The following HTRA1 variants were observed in gnomAD, a reference collection of about 807,000 sequenced individuals.
HTRA1 encodes serine protease HTRA1.
Under a neutral mutation model 49.7 loss-of-function variants are expected in HTRA1, and 26 were observed. The ratio of observed to expected loss-of-function variants is 0.52; its 90% confidence interval spans 0.38 to 0.73. The LOEUF is 0.73. HTRA1 is among the 30% of genes least tolerant of loss of function. The pLI is 0.00. For synonymous variants in HTRA1, 291 were observed against 286.9 expected (o/e 1.01, Z -0.14); for missense variants, 561 against 667.2 (o/e 0.84, Z 1.75).
Position 122,487,231 on chromosome 10 carries a change from T to C in HTRA1, c.473-1671T>C, listed in dbSNP as rs2133437211. Among the ~76,000 whole-genome samples, 1 of 152,250 alleles carries C rather than the reference T, an allele frequency of 6.6e-6. No homozygotes were observed. Among genetic ancestry groups the C allele is most frequent in the South Asian group, 2.1e-4 (1 of 4,822 alleles). On this transcript the variant is annotated intron_variant, in intron 1 of 8. Coordinates refer to ENST00000368984, the MANE Select transcript of HTRA1 (RefSeq NM_002775.5). The surrounding 1 kb of genome is among the most constrained non-coding windows in gnomAD (Gnocchi z 4.8). Reference sequence around the variant, plus strand: ...GCCTGCTTGTGCAACGCTGAGCTAGTCCAAGGGGGAAGAATGGGGTGCATG... The same window carrying C: ...GCCTGCTTGTGCAACGCTGAGCTAGCCCAAGGGGGAAGAATGGGGTGCATG...
chr10:122,489,133 T>A, intron 2 of HTRA1, 132 bp downstream of exon 2: 1 of 759,126 alleles, frequency 1.3e-6, no homozygotes, highest in Admixed American at 2.0e-5. Context: ...GATAAGTGTG[T>A]CTCCCTTAGA....
At chr10:122,507,267 C>A (rs2097503458) in intron 4 of HTRA1, 103 bp from the exon 5 acceptor site, 1 of 895,742 alleles carries the variant, frequency 1.1e-6, no homozygotes. Context: ...AAGAATCGTG[C>A]CCCCCACTCT....
At chr10:122,493,362 C>T (rs2097496843) in intron 3 of HTRA1, among the ~76,000 whole-genome samples, 1 of 152,212 alleles carries the variant, frequency 6.6e-6, no homozygotes. Flanking sequence ...TGCGTGTAAA[C>T]ATGTTAATAG....
chr10:122,477,234 T>C (rs2097488988), intron 1 of HTRA1, among the ~76,000 whole-genome samples: 1 of 152,166 alleles, frequency 6.6e-6, no homozygotes, highest in Admixed American at 6.5e-5. Context: ...CCCAAAGCGC[T>C]GGGATTACAG....
rs956159741 is a variant in HTRA1, at chr10:122,461,783, C to A, written c.131C>A (p.Ala44Glu). 2.9e-6 allele frequency: 3 copies of A among 1,048,396 alleles called. No homozygotes were observed. Among genetic ancestry groups the A allele is most frequent in the Admixed American group, 5.4e-5 (1 of 18,538 alleles). The allele number at this position is 1,048,396 out of a possible 1,614,324, so 64.9% of individuals were successfully genotyped here. A position where few individuals can be genotyped will look rare whatever the true frequency, so the allele number is the denominator to read the frequency against. Residue 44 changes from alanine to glutamate, a missense_variant, in exon 1 of 9, where the codon GCG (alanine) becomes GAG (glutamate). Physicochemically the swap from Ala to Glu is moderately radical, Grantham distance 107. Transcript: ENST00000368984. Reference protein sequence around the residue: ...AAGCPDRCEPARCPPQPEHCE... With the variant: ...AAGCPDRCEPERCPPQPEHCE... The stretch of plus-strand genomic sequence containing the variant: ...GGGTGCCCAGACCGCTGCGAGCCGG[C>A]GCGCTGCCCGCCGCAGCCGGAGCAC...
At chr10:122,476,600 G>A (rs2097488580) in intron 1 of HTRA1, among the ~76,000 whole-genome samples, 1 of 152,216 alleles carries the variant, frequency 6.6e-6, no homozygotes, top group South Asian at 2.1e-4. Context: ...CCCAGCGACT[G>A]GCCGTTTGCA....
intron 1 of HTRA1, among the ~76,000 whole-genome samples, chr10:122,466,136 T>G (rs750454555): frequency 1.3e-5 from 2 of 152,156 alleles, no homozygotes; most frequent in Admixed American, 1.3e-4. Flanking sequence ...AGATGGTTGC[T>G]TTACTTCTTG....
intron 1 of HTRA1, among the ~76,000 whole-genome samples, chr10:122,465,081 A>C (rs34650150): frequency 6.6e-6 from 1 of 152,072 alleles, no homozygotes; most frequent in African/African-American, 2.4e-5. Context: ...AGATCTTTGG[A>C]TAGAGGAACA....
intron 1 of HTRA1, among the ~76,000 whole-genome samples, chr10:122,473,394 C>G (rs758158166): frequency 1.3e-5 from 2 of 152,172 alleles, no homozygotes; most frequent in Non-Finnish European, 2.9e-5. Flanking sequence ...GATGCCAGCT[C>G]TGTCCAGGAT....
chr10:122,478,158 T>C (rs1205923594), intron 1 of HTRA1, among the ~76,000 whole-genome samples: 1 of 152,174 alleles, frequency 6.6e-6, no homozygotes, highest in Non-Finnish European at 1.5e-5. Context: ...TTTGCTGGTA[T>C]TTAAAGTGGA....
intron 1 of HTRA1, 43 bp downstream of exon 1, chr10:122,462,167 C>G (rs2097481755): frequency 6.9e-7 from 1 of 1,441,422 alleles, no homozygotes; most frequent in Non-Finnish European, 9.4e-7. Flanking sequence ...TCTCTCCATC[C>G]CAGCTCGGAC....
At chr10:122,488,466 G>A (rs1157449846) in intron 1 of HTRA1, among the ~76,000 whole-genome samples, 2 of 152,182 alleles carry the variant, frequency 1.3e-5, no homozygotes, top group African/African-American at 2.4e-5. Flanking sequence ...GTAGGCTGAG[G>A]CAGAAGAATC....
intron 1 of HTRA1, among the ~76,000 whole-genome samples, chr10:122,482,876 C>T (rs1391526145): frequency 7.1e-6 from 1 of 141,748 alleles, no homozygotes. Flanking sequence ...CAAGATTGCA[C>T]CACTGCACTC....
intron 3 of HTRA1, among the ~76,000 whole-genome samples, chr10:122,496,052 GA>G (rs1250220243): frequency 2.6e-5 from 4 of 151,950 alleles, no homozygotes; most frequent in Non-Finnish European, 5.9e-5. Context: ...CCCTTTACAG[GA>G]AAAAAATTCC....
intron 3 of HTRA1, among the ~76,000 whole-genome samples, chr10:122,496,224 G>GGTTTT (rs2097498574): frequency 9.4e-5 from 3 of 32,062 alleles, no homozygotes; most frequent in African/African-American, 4.7e-4. Flanking sequence ...AGAGATTGTG[G>GGTTTT]GTTCTTTTTT....
intron 3 of HTRA1, among the ~76,000 whole-genome samples, chr10:122,496,259 T>TTTTTTTTTTA (rs2097498728): frequency 7.3e-6 from 1 of 136,806 alleles, no homozygotes; most frequent in Non-Finnish European, 1.5e-5. Flanking sequence ...TTTTTTTTTT[T>TTTTTTTTTTA]GCAGAGATGA....
chr10:122,487,764 C>T lies in HTRA1; in HGVS notation c.473-1138C>T, dbSNP rs906585962. ...GAGCCTGTTGTTTCTAGGATGCACG[C>T]CCGTACAGTAGGTTACTGTACTGAA... On this transcript the variant is annotated intron_variant, in intron 1 of 8. Transcript: ENST00000368984. The surrounding 1 kb of genome is among the most constrained non-coding windows in gnomAD (Gnocchi z 4.8). Among the ~76,000 whole-genome samples the T allele has an allele frequency of 1.3e-5, 2 of 152,152 alleles. No homozygotes were observed. The highest frequency in any genetic ancestry group is 2.9e-5 in the Non-Finnish European group (2 of 68,038).
At chr10:122,484,186 T>C (rs2097492176) in intron 1 of HTRA1, among the ~76,000 whole-genome samples, 1 of 152,198 alleles carries the variant, frequency 6.6e-6, no homozygotes, top group Non-Finnish European at 1.5e-5. Flanking sequence ...GCCTCAGTTC[T>C]GGCTTAACAG....
chr10:122,475,625 G>T (rs2097488113), intron 1 of HTRA1, among the ~76,000 whole-genome samples: 1 of 152,238 alleles, frequency 6.6e-6, no homozygotes, highest in Non-Finnish European at 1.5e-5. Flanking sequence ...GGCCCTGATG[G>T]TGCATAGGGT....
Sources: allele counts gnomAD v4.1 joint callset (sites outside exome capture counted in the v4.1 genomes callset), GRCh38; gene constraint gnomAD v4.1.1; non-coding constraint Gnocchi (gnomAD v3.1); transcripts MANE v1.5; gene names NCBI Gene and HGNC (gene_info 2026-07-23, HGNC 2026-07-21).